The following CDH23 variants were observed in gnomAD, a reference collection of about 807,000 sequenced individuals.
The protein encoded by CDH23 is cadherin related 23.
CDH23 carries 189 observed loss-of-function variants against 317.1 expected under a neutral mutation model. The ratio of observed to expected loss-of-function variants is 0.60; its 90% CI spans 0.53 to 0.67. The LOEUF (loss-of-function observed/expected upper bound fraction) is 0.67. CDH23 is among the 30% of genes least tolerant of loss of function. The pLI, the probability that CDH23 is intolerant of heterozygous loss-of-function variation, is 0.00. For missense variants in CDH23, 4,401 were observed against 4,592.4 expected (o/e 0.96, Z 1.20); for synonymous variants, 1,839 against 1,876.8 (o/e 0.98, Z 0.52).
At chr10:71,528,477 C>G (rs187433278) in intron 6 of CDH23, among the ~76,000 whole-genome samples, 1 of 152,228 alleles carries the variant, frequency 6.6e-6, no homozygotes. Flanking sequence ...AGGCCCGTCC[C>G]TTCTGCACGG....
chr10:71,740,709 T>C, intron 36 of CDH23, 113 bp from the exon 37 acceptor site: 1 of 1,448,476 alleles, frequency 6.9e-7, no homozygotes, highest in Non-Finnish European at 9.3e-7. Context: ...TCTCAGTGAG[T>C]CTCTTTGCCC....
At chr10:71,772,513 G>A (rs575384397) in intron 38 of CDH23, among the ~76,000 whole-genome samples, 13 of 152,332 alleles carry the variant, frequency 8.5e-5, no homozygotes, top group East Asian at 5.8e-4. Context: ...CCCCCAGCCC[G>A]GGAGCCCCTG....
chr10:71,421,702 T>C (rs10733883), intron 1 of CDH23, among the ~76,000 whole-genome samples: 49,041 of 152,048 alleles, frequency 0.32, 8,307 homozygotes, highest in Middle Eastern at 0.46. Context: ...TTTTCTTAAA[T>C]TGAGTATTTT....
rs146895861 is a variant in CDH23, at chr10:71,756,141, T to C, written c.4845+14220T>C. ...TGTACAATGTTTTTCAATTTTAAAC[T>C]TATTAAACTACCAAAAAAAGTACAA... On this transcript the variant is annotated intron_variant, in intron 38 of 69. Transcript: ENST00000224721. Among the ~76,000 whole-genome samples the C allele has an allele frequency of 4.3e-3, 649 of 152,240 alleles. 3 individuals are homozygous for C. The highest frequency in any genetic ancestry group is 0.015 in the African/African-American group (605 of 41,544).
At chr10:71,459,651 A>G (rs16928886) in intron 3 of CDH23, among the ~76,000 whole-genome samples, 60,439 of 152,032 alleles carry the variant, frequency 0.4, 13,248 homozygotes, top group East Asian at 0.6. Context: ...CTCCTAGCCT[A>G]ACCAGGAATC....
chr10:71,742,215 C>G (rs1001626331), intron 38 of CDH23, among the ~76,000 whole-genome samples: 1 of 152,162 alleles, frequency 6.6e-6, no homozygotes, highest in Non-Finnish European at 1.5e-5. Flanking sequence ...CAGGTTGAGC[C>G]TCTGTATTGG....
At chr10:71,806,024 C>CG (rs766133614) in intron 56 of CDH23, 27 bp downstream of exon 56, 41 of 471,220 alleles carry the variant, frequency 8.7e-5, no homozygotes, top group Admixed American at 4.4e-4. Context: ...GTGCGAGGGG[C>CG]GGGGTCTGGG....
intron 48 of CDH23, chr10:71,795,843 G>C: frequency 1.0e-6 from 1 of 987,532 alleles, no homozygotes; most frequent in Non-Finnish European, 1.2e-6. Flanking sequence ...CCACAGGTTT[G>C]AGCTCTGTTT....
At chr10:71,580,050 G>A (rs992753098) in intron 9 of CDH23, among the ~76,000 whole-genome samples, 9 of 152,228 alleles carry the variant, frequency 5.9e-5, no homozygotes, top group Non-Finnish European at 1.3e-4. Flanking sequence ...GGGAACTCCT[G>A]CAGAGACCCT....
chr10:71,797,236 G>A lies in CDH23; in HGVS notation c.6829+16G>A. 1 of 1,565,554 alleles carries A rather than the reference G, an allele frequency of 6.4e-7. No individual in the cohort carries two copies. Among genetic ancestry groups the A allele is most frequent in the Non-Finnish European group, 8.8e-7 (1 of 1,140,312 alleles). On this transcript the variant is annotated intron_variant, in intron 49 of 69. Transcript: ENST00000224721. ...GTGCCAAATGGTAAGGTTCCCTGCA[G>A]ACATCTCTCATTGGTCACTCAGAGC... is the stretch of plus-strand genomic sequence containing the variant.
At chr10:71,595,334 T>C (rs563291961) in intron 9 of CDH23, among the ~76,000 whole-genome samples, 2 of 152,040 alleles carry the variant, frequency 1.3e-5, no homozygotes, top group Admixed American at 6.5e-5. Context: ...TCTGTATCCC[T>C]CCCCTCCTTA....
chr10:71,510,558 G>A (rs1488560358), intron 4 of CDH23, among the ~76,000 whole-genome samples: 1 of 151,968 alleles, frequency 6.6e-6, no homozygotes, highest in Admixed American at 6.6e-5. Context: ...AATATCCAGA[G>A]AAGCAGGAAT....
chr10:71,404,435 A>G (rs889426890), intron 1 of CDH23, among the ~76,000 whole-genome samples: 7 of 152,156 alleles, frequency 4.6e-5, no homozygotes, highest in Non-Finnish European at 8.8e-5. Context: ...ACCCCACTTT[A>G]TTCATTTCCG....
At position 71,811,726 on chromosome 10, in the gene CDH23, C is replaced by G; in HGVS notation, c.9292C>G (p.Leu3098Val). The G allele has an allele frequency of 6.2e-7, 1 of 1,601,082 alleles. No individual in the cohort carries two copies. Among genetic ancestry groups the G allele is most frequent in the Non-Finnish European group, 8.5e-7 (1 of 1,173,698 alleles). ...WYYRTVHKRK[L>V]KAIVAGSAGN... ...GCTTCTCTCCAGACACAAGAGGAAG[C>G]TCAAGGCCATTGTGGCTGGCTCAGC... Residue 3098 changes from leucine to valine, a missense_variant, in exon 65 of 70, where the codon CTC becomes GTC. Physicochemically the swap from Leu to Val is conservative, Grantham distance 32. Coordinates refer to ENST00000224721, the MANE Select transcript of CDH23 (RefSeq NM_022124.6).
At chr10:71,644,452 TA>T (rs1351693096) in intron 12 of CDH23, among the ~76,000 whole-genome samples, 1 of 152,252 alleles carries the variant, frequency 6.6e-6, no homozygotes, top group Non-Finnish European at 1.5e-5. Flanking sequence ...TTTGAGCATT[TA>T]GGGGGCAGCC....
chr10:71,686,283 G>A (rs1864885685), intron 18 of CDH23, among the ~76,000 whole-genome samples: 1 of 151,916 alleles, frequency 6.6e-6, no homozygotes, highest in Admixed American at 6.6e-5. Context: ...TAAGTATATG[G>A]GGCGCTCGCA....
intron 9 of CDH23, among the ~76,000 whole-genome samples, chr10:71,601,916 C>G (rs566827403): frequency 9.3e-5 from 14 of 150,430 alleles, no homozygotes; most frequent in African/African-American, 3.4e-4. Context: ...GATCTCTGTT[C>G]TCCCTTCAGG....
intron 15 of CDH23, 86 bp downstream of exon 15, chr10:71,675,262 GC>G: frequency 8.8e-7 from 1 of 1,140,438 alleles, no homozygotes; most frequent in Non-Finnish European, 1.3e-6. Context: ...ACTTTTCAGT[GC>G]CCAGGGAGGG....
At chr10:71,588,576 C>T (rs1859247339) in intron 9 of CDH23, among the ~76,000 whole-genome samples, 1 of 152,044 alleles carries the variant, frequency 6.6e-6, no homozygotes, top group African/African-American at 2.4e-5. Flanking sequence ...AAAAACAATG[C>T]CTGGATTCCT....
Sources: gnomAD v4.1 joint callset for allele counts (sites outside exome capture counted in the v4.1 genomes callset) on GRCh38, gnomAD v4.1.1 for gene constraint, MANE v1.5 for transcripts, NCBI Gene and HGNC (gene_info 2026-07-23, HGNC 2026-07-21) for gene names.